Variants in SLC23A2 observed in about 807,000 individuals in gnomAD.
SLC23A2 encodes Na(+)/L-ascorbic acid transporter 2.
SLC23A2 carries 36 observed loss-of-function variants against 73.3 expected under a neutral mutation model. That is an observed-to-expected ratio of 0.49 (90% CI 0.38 to 0.65). The LOEUF (loss-of-function observed/expected upper bound fraction) is 0.65. SLC23A2 is among the 30% of genes least tolerant of loss of function. The probability of loss-of-function intolerance (pLI) is 0.00; values close to 1 mark genes in which losing one functional copy is unlikely to be tolerated. For synonymous variants in SLC23A2, 343 were observed against 327.3 expected (o/e 1.05, Z -0.52); for missense variants, 507 against 841.6 (o/e 0.60, Z 4.92).
chr20:4,946,833 T>G (rs995739038), intron 2 of SLC23A2, among the ~76,000 whole-genome samples: 1 of 152,228 alleles, frequency 6.6e-6, no homozygotes, highest in African/African-American at 2.4e-5. Flanking sequence ...CAGAGTGGTG[T>G]ATGCTTTGTT....
chr20:4,929,110 C>T (rs571468735), intron 3 of SLC23A2, among the ~76,000 whole-genome samples: 1 of 151,744 alleles, frequency 6.6e-6, no homozygotes, highest in South Asian at 2.1e-4. Context: ...TATATATACA[C>T]AAAAATGTAG....
chr20:4,989,590 C>T (rs1332910542), intron 1 of SLC23A2, among the ~76,000 whole-genome samples: 1 of 150,566 alleles, frequency 6.6e-6, no homozygotes. Flanking sequence ...GCAGGAAGAT[C>T]GCTTGAGCCT....
In SLC23A2 at chr20:4,947,021, A is replaced by G. The variant is rs1410881985; in HGVS notation, c.-154-14305T>C. Among the ~76,000 whole-genome samples the G allele has an allele frequency of 2.0e-5, 3 of 152,148 alleles. No homozygotes were observed. The highest frequency in any genetic ancestry group is 4.4e-5 in the Non-Finnish European group (3 of 68,036). On this transcript the variant is annotated intron_variant, in intron 2 of 16. Transcript: ENST00000338244. The surrounding 1 kb of genome is among the most constrained non-coding windows in gnomAD (Gnocchi z 4.4). The stretch of plus-strand genomic sequence containing the variant: ...CATCTTAAGCCTCGTCATCCTGGCC[A>G]TTTCTCCTCAGTGCCAGGTGCTGCC...
rs1929857049 is a variant in SLC23A2, at chr20:4,859,209, C to A, written c.1720+80G>T. On this transcript the variant is annotated intron_variant, in intron 16 of 16. Transcript: ENST00000338244. Reference sequence around the variant, plus strand: ...TGAACTCATTTACTCTTCCCGTTTTCCATTTCTATTTGGCAAAAAAAGTAA... The same window carrying A: ...TGAACTCATTTACTCTTCCCGTTTTACATTTCTATTTGGCAAAAAAAGTAA... 8.3e-6 allele frequency: 7 copies of A among 845,422 alleles called. No individual in the cohort carries two copies. In the South Asian group the frequency reaches 1.0e-4, roughly 12 times the overall value. 52.4% of individuals were successfully genotyped at this position (845,422 alleles called of 1,614,324 possible). A position where few individuals can be genotyped will look rare whatever the true frequency, so the allele number is the denominator to read the frequency against.
chr20:4,934,207 G>T (rs2086922691), intron 2 of SLC23A2, among the ~76,000 whole-genome samples: 1 of 152,144 alleles, frequency 6.6e-6, no homozygotes, highest in Admixed American at 6.6e-5. Context: ...TAAAGCAGTG[G>T]TTCTCAATCC....
intron 4 of SLC23A2, among the ~76,000 whole-genome samples, chr20:4,912,467 A>G (rs909853211): frequency 2.6e-5 from 4 of 152,076 alleles, no homozygotes; most frequent in Non-Finnish European, 4.4e-5. Flanking sequence ...CCAGATGTTG[A>G]CATTTTTATT....
chr20:4,925,027 A>C (rs936359368), intron 3 of SLC23A2, among the ~76,000 whole-genome samples: 1 of 152,132 alleles, frequency 6.6e-6, no homozygotes, highest in Non-Finnish European at 1.5e-5. Context: ...AAAAAAAAAA[A>C]ATTAAAAATC....
chr20:4,955,974 G>A (rs2122160935), intron 2 of SLC23A2, among the ~76,000 whole-genome samples: 1 of 152,108 alleles, frequency 6.6e-6, no homozygotes, highest in East Asian at 1.9e-4. Context: ...CTTATATTAG[G>A]AGGAAAAATT....
At chr20:4,884,631 T>C in intron 8 of SLC23A2, 122 bp downstream of exon 8, 1 of 734,132 alleles carries the variant, frequency 1.4e-6, no homozygotes, top group Non-Finnish European at 2.5e-6. Context: ...AGAAATAAAC[T>C]ATCAGTAATT....
chr20:4,892,630 T>G lies in SLC23A2; in HGVS notation c.483-6721A>C, dbSNP rs1169442327. ...AAAATACAAAGGATTTGACATCACC[T>G]ACACAGTAATTTTGGCAACAATGTT... On this transcript the variant is annotated intron_variant, in intron 6 of 16. Transcript: ENST00000338244. Among the ~76,000 whole-genome samples, 4 of 152,220 alleles carry G rather than the reference T, an allele frequency of 2.6e-5. No individual in the cohort carries two copies. In the South Asian group the frequency reaches 8.3e-4, roughly 31 times the overall value.
chr20:4,894,706 G>GCCCT (rs1931454863), intron 6 of SLC23A2, among the ~76,000 whole-genome samples: 1 of 152,008 alleles, frequency 6.6e-6, no homozygotes, highest in Admixed American at 6.5e-5. Flanking sequence ...GTTCCCCCAG[G>GCCCT]CCCTCCCTTT....
chr20:4,949,640 C>T (rs1878550719), intron 2 of SLC23A2, among the ~76,000 whole-genome samples: 1 of 151,848 alleles, frequency 6.6e-6, no homozygotes, highest in South Asian at 2.1e-4. Context: ...TACACAGGCA[C>T]AGTCACACAC....
rs1208246470 is a variant in SLC23A2 at position 4,872,344 on chromosome 20, C to T, written c.1102+1592G>A. ...GGAGCTCTGGTACCCCACCAGCCCTCGGCAGGCCAGGAGCCCTACGTGCTC... is the reference window on the plus strand; with the variant it reads ...GGAGCTCTGGTACCCCACCAGCCCTTGGCAGGCCAGGAGCCCTACGTGCTC... On this transcript the variant is annotated intron_variant, in intron 11 of 16. Transcript: ENST00000338244. This position sits in a 1 kb window ranked among gnomAD's most constrained non-coding sequence, Gnocchi z 4.4. 6.6e-6 allele frequency among the ~76,000 whole-genome samples: 1 copy of T among 152,174 alleles called. No individual in the cohort carries two copies. Among genetic ancestry groups the T allele is most frequent in the Non-Finnish European group, 1.5e-5 (1 of 68,020 alleles).
rs983946034 is a variant in SLC23A2 at position 4,854,103 on chromosome 20, A to C, written c.*2869T>G. 2.0e-5 allele frequency: 3 copies of C among 152,188 alleles called. No homozygotes were observed. Among genetic ancestry groups the C allele is most frequent in the Non-Finnish European group, 4.4e-5 (3 of 68,030 alleles). 9.4% of individuals were successfully genotyped at this position (152,188 alleles called of 1,614,324 possible). On this transcript the variant is annotated 3_prime_UTR_variant, in exon 17 of 17. Coordinates refer to ENST00000338244, the MANE Select transcript of SLC23A2 (RefSeq NM_005116.6). The stretch of plus-strand genomic sequence containing the variant: ...GGTGGTGGGTAGGTGGTCTCTGTGG[A>C]AACTGGAGACTAACCGGCCTGCAAG...
chr20:4,901,647 C>A (rs1447193483), intron 5 of SLC23A2, among the ~76,000 whole-genome samples: 1 of 152,160 alleles, frequency 6.6e-6, no homozygotes, highest in Non-Finnish European at 1.5e-5. Flanking sequence ...CCACTGGAAG[C>A]TGCAGCAGAC....
chr20:4,965,575 C>T (rs1311318209), intron 2 of SLC23A2, among the ~76,000 whole-genome samples: 1 of 152,042 alleles, frequency 6.6e-6, no homozygotes, highest in Non-Finnish European at 1.5e-5. Context: ...AGTTCGAGAC[C>T]AGCCTGGGTA....
At chr20:4,942,374 CAAAAAAAAAA>C (rs1216270773) in intron 2 of SLC23A2, among the ~76,000 whole-genome samples, 1 of 47,384 alleles carries the variant, frequency 2.1e-5, no homozygotes, top group Non-Finnish European at 4.9e-5. Context: ...GCTACAGTCT[CAAAAAAAAAA>C]AAAAAAAAAA....
At chr20:4,896,223 G>A (rs558467296) in intron 6 of SLC23A2, among the ~76,000 whole-genome samples, 8 of 152,130 alleles carry the variant, frequency 5.3e-5, no homozygotes, top group Non-Finnish European at 1.0e-4. Flanking sequence ...GTGCCCCTTC[G>A]CTGCCTCAGA....
intron 6 of SLC23A2, among the ~76,000 whole-genome samples, chr20:4,888,033 C>A (rs918235411): frequency 5.9e-5 from 9 of 152,214 alleles, no homozygotes; most frequent in Non-Finnish European, 8.8e-5. Flanking sequence ...GCACCCAAGG[C>A]ACGGCCCCTG....
Sources: allele counts gnomAD v4.1 joint callset (sites outside exome capture counted in the v4.1 genomes callset), GRCh38; gene constraint gnomAD v4.1.1; non-coding constraint Gnocchi (gnomAD v3.1); transcripts MANE v1.5; gene names NCBI Gene and HGNC (gene_info 2026-07-23, HGNC 2026-07-21).